ZNF541: variants seen among roughly 807,000 people sequenced by gnomAD.
ZNF541 encodes zinc finger protein 541.
Under a neutral mutation model 123.5 loss-of-function variants are expected in ZNF541, and 23 were observed. The ratio of observed to expected loss-of-function variants is 0.19; its 90% confidence interval spans 0.13 to 0.26. The LOEUF (loss-of-function observed/expected upper bound fraction) is 0.26, where lower values mean the gene tolerates loss of function less well. Ranked by LOEUF, ZNF541 falls within the 10% of genes least tolerant of loss-of-function variation. The probability of loss-of-function intolerance (pLI) is 1.00; values close to 1 mark genes in which losing one functional copy is unlikely to be tolerated. For missense variants in ZNF541, 1,612 were observed against 1,789.9 expected (o/e 0.90, Z 1.79); for synonymous variants, 751 against 754.5 (o/e 1.00, Z 0.08).
chr19:47,552,837 A>G (rs1354121014), intron 3 of ZNF541, among the ~76,000 whole-genome samples: 1 of 146,892 alleles, frequency 6.8e-6, no homozygotes, highest in African/African-American at 2.5e-5. Context: ...GAGGCCGGGC[A>G]CGGTGGCTTA....
chr19:47,522,015 G>GGCTGTGGCT, intron 14 of ZNF541, 21 bp from the exon 15 acceptor site: 1 of 1,550,246 alleles, frequency 6.5e-7, no homozygotes, highest in Non-Finnish European at 8.7e-7. Flanking sequence ...AAAACAAGCA[G>GGCTGTGGCT]GCTGTGGCTG....
At chr19:47,537,277 G>C (rs992144055) in intron 9 of ZNF541, among the ~76,000 whole-genome samples, 2 of 152,058 alleles carry the variant, frequency 1.3e-5, no homozygotes, top group Admixed American at 6.6e-5. Flanking sequence ...AAATTACATA[G>C]GCCAGGCCAG....
chr19:47,541,027 A>G, intron 5 of ZNF541, 76 bp from the exon 6 acceptor site: 3 of 1,375,652 alleles, frequency 2.2e-6, no homozygotes, highest in Non-Finnish European at 3.0e-6. Flanking sequence ...AGACTTTTAG[A>G]AGAAAACATC....
Position 47,540,907 on chromosome 19 carries a change from A to G in ZNF541, c.2448T>C (p.Asn816=), listed in dbSNP as rs1353930758. The G allele has an allele frequency of 1.9e-6, 3 of 1,551,286 alleles. No individual in the cohort carries two copies. The highest frequency in any genetic ancestry group is 2.0e-5 in the Admixed American group (1 of 50,952). The change falls in exon 6 of 17, where the codon AAT becomes AAC. Residue 816 remains asparagine (N), a synonymous_variant. Transcript: ENST00000391901. Reference sequence around the variant, plus strand: ...TCTTAACTTACCCTCTGCCTGCCACATTCTCTTCCTTCACCGGATGGGGGA... The same window carrying G: ...TCTTAACTTACCCTCTGCCTGCCACGTTCTCTTCCTTCACCGGATGGGGGA... ...YRLPHPVKEE[N]VAGRGNQQNG...
intron 4 of ZNF541, among the ~76,000 whole-genome samples, chr19:47,546,919 C>T (rs1970383472): frequency 6.6e-6 from 1 of 152,098 alleles, no homozygotes; most frequent in Admixed American, 6.6e-5. Flanking sequence ...GGGGTTTTGC[C>T]TTGTTGGCCA....
chr19:47,562,793 C>T (rs1435675287), intron 2 of ZNF541, among the ~76,000 whole-genome samples: 2 of 152,180 alleles, frequency 1.3e-5, no homozygotes, highest in South Asian at 2.1e-4. Flanking sequence ...ACCCCCATTG[C>T]AGCACGTGTC....
intron 2 of ZNF541, among the ~76,000 whole-genome samples, chr19:47,560,484 G>A (rs546116069): frequency 6.6e-6 from 1 of 150,880 alleles, no homozygotes; most frequent in Non-Finnish European, 1.5e-5. Flanking sequence ...GCTGAGGCAG[G>A]AGAATCACTT....
chr19:47,546,008 A>G, intron 4 of ZNF541, 28 bp from the exon 5 acceptor site: 1 of 1,435,478 alleles, frequency 7.0e-7, no homozygotes, highest in Admixed American at 2.8e-5. Context: ...CAGGGGCGTC[A>G]CCGGGGCACC....
chr19:47,521,545 T>C lies in ZNF541; in HGVS notation c.3821A>G (p.Lys1274Arg), dbSNP rs1025342415. 2.6e-6 allele frequency: 4 copies of C among 1,551,612 alleles called. No homozygotes were observed. The highest frequency in any genetic ancestry group is 1.7e-4 in the Middle Eastern group (1 of 5,992). The change falls in exon 16 of 17, where the codon AAG (lysine) becomes AGG (arginine). Residue 1274 changes from lysine to arginine, a missense_variant. Physicochemically the swap from Lys to Arg is conservative, Grantham distance 26 (BLOSUM62 2). Transcript: ENST00000391901. This position sits in a 1 kb window ranked among gnomAD's most constrained non-coding sequence, Gnocchi z 4.2. ...ACTTCCCAACAGCTCGGGGGTCCGC[T>C]TGGAGCCTGCATTTGGGCTGGAGCT... ...ILSSSPNAGSKRTPELLGSAE... is the reference protein window; with the variant it reads ...ILSSSPNAGSRRTPELLGSAE...
At chr19:47,549,063 A>AC (rs1275809361) in intron 4 of ZNF541, among the ~76,000 whole-genome samples, 182 bp downstream of exon 4, 3 of 102,374 alleles carry the variant, frequency 2.9e-5, no homozygotes, top group Non-Finnish European at 5.1e-5. Flanking sequence ...CGGATGACAG[A>AC]CAAAAAAAAA....
upstream of ZNF541, among the ~76,000 whole-genome samples, chr19:47,573,172 G>A (rs1036303340): frequency 6.7e-6 from 1 of 149,586 alleles, no homozygotes; most frequent in African/African-American, 2.4e-5. Flanking sequence ...CGCCCGGGGC[G>A]CACGCGCAGC....
chr19:47,549,750 T>A (rs1970518333), intron 3 of ZNF541, among the ~76,000 whole-genome samples: 2 of 152,130 alleles, frequency 1.3e-5, no homozygotes, highest in African/African-American at 4.8e-5. Flanking sequence ...TGGGCTGGGC[T>A]TTATGACCAC....
Position 47,529,020 on chromosome 19 carries a change from G to C in ZNF541, c.3500C>G (p.Pro1167Arg). The change falls in exon 14 of 17, where the codon CCT (proline) becomes CGT (arginine). Residue 1167 changes from proline (P) to arginine (R), a missense_variant. Coordinates refer to ENST00000391901, the MANE Select transcript of ZNF541 (RefSeq NM_001277075.3). ...YRYTGSDVWT[P>R]IEKRLFKKAF... is the part of the protein sequence containing the mutation. Reference sequence around the variant, plus strand: ...CTTCTTAAAAAGCCTCTTCTCTATAGGGGTCCAGACGTCTGAACCTATCAA... The same window carrying C: ...CTTCTTAAAAAGCCTCTTCTCTATACGGGTCCAGACGTCTGAACCTATCAA... The C allele has an allele frequency of 6.4e-7, 1 of 1,551,544 alleles. No homozygotes were observed.
chr19:47,540,622 T>C (rs1222731985), intron 6 of ZNF541, among the ~76,000 whole-genome samples: 2 of 152,156 alleles, frequency 1.3e-5, no homozygotes, highest in African/African-American at 2.4e-5. Flanking sequence ...ATATTTCTAG[T>C]AGAGACAGAG....
chr19:47,531,846 CT>C, intron 11 of ZNF541, 101 bp from the exon 12 acceptor site: 1 of 1,091,268 alleles, frequency 9.2e-7, no homozygotes, highest in Non-Finnish European at 1.3e-6. Flanking sequence ...GTGCCTTCCC[CT>C]TCTCTCTCCT....
Position 47,545,178 on chromosome 19 carries a change from G to A in ZNF541, c.1351C>T (p.Pro451Ser), listed in dbSNP as rs1600014124. 3 of 1,508,680 alleles carry A rather than the reference G, an allele frequency of 2.0e-6. No individual in the cohort carries two copies. In the East Asian group the frequency reaches 7.4e-5, roughly 37 times the overall value. The allele number at this position is 1,508,680 out of a possible 1,614,324, so 93.5% of individuals were successfully genotyped here. ...TCCTCCGAGGGGCTTCCGCTGCTGG[G>A]TCCCGGGCCAGACTCGGAGCCCTCC... The part of the protein sequence containing the change: ...SREGSESGPG[P>S]SSGSPSEESP... Residue 451 changes from proline to serine, a missense_variant, in exon 5 of 17, where the codon CCC becomes TCC. Coordinates refer to ENST00000391901, the MANE Select transcript of ZNF541 (RefSeq NM_001277075.3). The surrounding 1 kb of genome is among the most constrained non-coding windows in gnomAD (Gnocchi z 7.5).
chr19:47,571,085 C>T (rs1022842566), intron 2 of ZNF541, among the ~76,000 whole-genome samples: 2 of 151,944 alleles, frequency 1.3e-5, no homozygotes, highest in African/African-American at 2.4e-5. Flanking sequence ...AAGTGGTGGC[C>T]GGCAGGCATA....
Position 47,554,080 on chromosome 19 carries a change from T to G in ZNF541, c.307+1470A>C, listed in dbSNP as rs960039909. Among the ~76,000 whole-genome samples, 6 of 152,274 alleles carry G rather than the reference T, an allele frequency of 3.9e-5. No homozygotes were observed. In the South Asian group the frequency reaches 1.2e-3, roughly 32 times the overall value. On this transcript the variant is annotated intron_variant, in intron 3 of 16. Transcript: ENST00000391901. Reference sequence around the variant, plus strand: ...CCAACTCTTACAACTTAAATGGAATTATATACTTAATATTATCTCTGCAAG... The same window carrying G: ...CCAACTCTTACAACTTAAATGGAATGATATACTTAATATTATCTCTGCAAG...
chr19:47,561,747 ATC>A (rs1490969777), intron 2 of ZNF541, among the ~76,000 whole-genome samples: 1 of 151,868 alleles, frequency 6.6e-6, no homozygotes, highest in Non-Finnish European at 1.5e-5. Context: ...GTTTAAGAAG[ATC>A]TCTGTTAAGT....
Sources: allele counts gnomAD v4.1 joint callset (sites outside exome capture counted in the v4.1 genomes callset), GRCh38; gene constraint gnomAD v4.1.1; non-coding constraint Gnocchi (gnomAD v3.1); transcripts MANE v1.5; gene names NCBI Gene and HGNC (gene_info 2026-07-23, HGNC 2026-07-21).